The following TMEM245 variants were observed in gnomAD, a reference collection of about 807,000 sequenced individuals.
TMEM245 encodes the protein transmembrane protein 245.
A neutral mutation model predicts 101.2 loss-of-function variants in TMEM245; 69 were observed. The observed-to-expected ratio is 0.68, with a 90% CI of 0.56 to 0.83. TMEM245 has a LOEUF of 0.83. TMEM245 is among the 40% of genes least tolerant of loss of function. The pLI is 0.00. For missense variants in TMEM245, 1,075 were observed against 1,092.8 expected (o/e 0.98, Z 0.23); for synonymous variants, 537 against 449.8 (o/e 1.19, Z -2.45).
intron 12 of TMEM245, among the ~76,000 whole-genome samples, 200 bp downstream of exon 12, chr9:109,056,991 C>CGTT: frequency 6.6e-6 from 1 of 152,270 alleles, no homozygotes; most frequent in African/African-American, 2.4e-5. Flanking sequence ...ACTCTACAAC[C>CGTT]ACAGGGGAAA....
intron 17 of TMEM245, among the ~76,000 whole-genome samples, chr9:109,024,091 T>C (rs1827722944): frequency 6.6e-6 from 1 of 152,200 alleles, no homozygotes. Context: ...CATTTATGAT[T>C]TAACAACTCA....
At chr9:109,037,275 T>C (rs1828156306) in intron 15 of TMEM245, among the ~76,000 whole-genome samples, 1 of 152,228 alleles carries the variant, frequency 6.6e-6, no homozygotes, top group African/African-American at 2.4e-5. Flanking sequence ...AAAGCTATTT[T>C]GACAACAAGT....
intron 9 of TMEM245, 68 bp downstream of exon 9, chr9:109,073,288 C>T (rs1425970635): frequency 2.6e-6 from 3 of 1,167,704 alleles, no homozygotes; most frequent in African/African-American, 3.0e-5. Flanking sequence ...CAATGAAGGT[C>T]ATTTCGTGCA....
chr9:109,083,576 T>G (rs1829732485), intron 7 of TMEM245, among the ~76,000 whole-genome samples: 1 of 152,192 alleles, frequency 6.6e-6, no homozygotes, highest in African/African-American at 2.4e-5. Context: ...TGTCAGTAAA[T>G]TTATAGTTAC....
intron 9 of TMEM245, 43 bp from the exon 10 acceptor site, chr9:109,064,610 G>T: frequency 6.5e-7 from 1 of 1,537,134 alleles, no homozygotes; most frequent in East Asian, 2.3e-5. Context: ...TACACTTTCT[G>T]TGTAGTGTAC....
In TMEM245 at chr9:109,033,385, ATAT is replaced by A; in HGVS notation, c.2513_2515del (p.Asn838del). On this transcript the variant is annotated inframe_deletion, in exon 17 of 18. Transcript: ENST00000374586. Reference sequence around the variant, plus strand: ...GGGACTCACTAGCATGGCACTATAGATATTGGAAGCAACCACAAGTATGCAGAG... The same window carrying A: ...GGGACTCACTAGCATGGCACTATAGATGGAAGCAACCACAAGTATGCAGAG... The A allele has an allele frequency of 6.2e-7, 1 of 1,614,174 alleles. No individual in the cohort carries two copies. The highest frequency in any genetic ancestry group is 2.2e-5 in the East Asian group (1 of 44,882).
At chr9:109,021,507 GTTTGTTTTGT>G (rs1178222761) in intron 17 of TMEM245, among the ~76,000 whole-genome samples, 1 of 99,066 alleles carries the variant, frequency 1.0e-5, no homozygotes, top group East Asian at 2.6e-4. Context: ...TTGTTTGTTT[GTTTGTTTTGT>G]TTTGTTTTGT....
intron 10 of TMEM245, among the ~76,000 whole-genome samples, chr9:109,062,803 T>C (rs922402077): frequency 6.6e-6 from 1 of 152,090 alleles, no homozygotes; most frequent in African/African-American, 2.4e-5. Flanking sequence ...AAACCACGTC[T>C]CTATAAAAAC....
intron 17 of TMEM245, among the ~76,000 whole-genome samples, chr9:109,026,147 T>C (rs1432212844): frequency 6.6e-6 from 1 of 152,202 alleles, no homozygotes; most frequent in Non-Finnish European, 1.5e-5. Context: ...CACTAGGAAT[T>C]GAGCATTCTG....
intron 14 of TMEM245, chr9:109,046,205 A>G (rs1310444989): frequency 1.9e-6 from 1 of 534,258 alleles, no homozygotes; most frequent in African/African-American, 1.9e-5. Flanking sequence ...AGCAAGAGCC[A>G]TACCCGTGTG....
chr9:109,084,053 T>C (rs1158909693), intron 7 of TMEM245, among the ~76,000 whole-genome samples: 1 of 149,514 alleles, frequency 6.7e-6, no homozygotes, highest in Non-Finnish European at 1.5e-5. Flanking sequence ...CACTCCAGCC[T>C]GGGTGACAGA....
At chr9:109,037,442 T>A (rs533294091) in intron 15 of TMEM245, among the ~76,000 whole-genome samples, 1 of 152,348 alleles carries the variant, frequency 6.6e-6, no homozygotes, top group East Asian at 1.9e-4. Context: ...TGTCAAATTG[T>A]AATCCCCAAT....
At chr9:109,032,528 G>C (rs1053136022) in intron 17 of TMEM245, among the ~76,000 whole-genome samples, 3 of 151,104 alleles carry the variant, frequency 2.0e-5, no homozygotes, top group African/African-American at 4.9e-5. Flanking sequence ...GGGATTACAG[G>C]CACCTGCCAC....
chr9:109,054,431 T>C (rs1013453603), intron 12 of TMEM245, among the ~76,000 whole-genome samples: 6 of 152,260 alleles, frequency 3.9e-5, no homozygotes, highest in African/African-American at 1.2e-4. Context: ...GTCCAGAAGA[T>C]TGGGTACAAA....
At chr9:109,115,522 CT>C (rs752894720) in intron 1 of TMEM245, among the ~76,000 whole-genome samples, 17,698 of 66,842 alleles carry the variant, frequency 0.26, 1,706 homozygotes, top group East Asian at 0.3. Flanking sequence ...TAACTGGAAT[CT>C]TTTTTTTTTT....
At chr9:109,049,700 G>A (rs1044233653) in intron 14 of TMEM245, among the ~76,000 whole-genome samples, 2 of 152,040 alleles carry the variant, frequency 1.3e-5, no homozygotes, top group African/African-American at 4.8e-5. Context: ...GGTGGTGCAC[G>A]CCTGTAATCC....
chr9:109,107,000 C>G (rs1830444997), intron 2 of TMEM245, among the ~76,000 whole-genome samples: 1 of 151,320 alleles, frequency 6.6e-6, no homozygotes, highest in Admixed American at 6.7e-5. Context: ...TTGAAAATAC[C>G]ACCGGGCGTG....
chr9:109,036,197 C>T lies in TMEM245; in HGVS notation c.2399+9G>A. The T allele has an allele frequency of 6.4e-7, 1 of 1,556,466 alleles. No individual in the cohort carries two copies. Among genetic ancestry groups the T allele is most frequent in the Non-Finnish European group, 8.6e-7 (1 of 1,158,042 alleles). On this transcript the variant is annotated intron_variant, in intron 16 of 17. Coordinates refer to ENST00000374586, the MANE Select transcript of TMEM245 (RefSeq NM_032012.4). ...GATTCACTAATAAGAAATTCTGTGG[C>T]TTACTTACCCTGATATGTCAGAGTA...
chr9:109,115,730 A>G (rs747720782), intron 1 of TMEM245, among the ~76,000 whole-genome samples: 38 of 151,874 alleles, frequency 2.5e-4, no homozygotes, highest in Middle Eastern at 6.8e-3. Context: ...GGGTTTCACC[A>G]TGTTGGCCAG....
Sources: allele counts gnomAD v4.1 joint callset (sites outside exome capture counted in the v4.1 genomes callset), GRCh38; gene constraint gnomAD v4.1.1; transcripts MANE v1.5; gene names NCBI Gene and HGNC (gene_info 2026-07-23, HGNC 2026-07-21).